The following ILDR1 variants were observed in gnomAD, a reference collection of about 807,000 sequenced individuals.
The protein encoded by ILDR1 is immunoglobulin-like domain-containing receptor 1.
A neutral mutation model predicts 62.4 loss-of-function variants in ILDR1; 56 were observed. That is an observed-to-expected ratio of 0.90 (90% CI 0.72 to 1.12). ILDR1 has a LOEUF of 1.12. ILDR1 is among the 50% of genes most tolerant of loss of function. ILDR1 has a pLI of 0.00. For missense variants in ILDR1, 736 were observed against 710.6 expected (o/e 1.04, Z -0.41); for synonymous variants, 284 against 277.8 (o/e 1.02, Z -0.22).
intron 5 of ILDR1, among the ~76,000 whole-genome samples, chr3:121,996,731 G>A (rs1478606327): frequency 1.3e-5 from 2 of 152,268 alleles, no homozygotes; most frequent in African/African-American, 4.8e-5. Context: ...CTGGTCTAAT[G>A]CAAGGCAAGA....
intron 1 of ILDR1, among the ~76,000 whole-genome samples, chr3:122,016,295 C>T (rs2071775974): frequency 6.6e-6 from 1 of 152,244 alleles, no homozygotes; most frequent in Admixed American, 6.5e-5. Flanking sequence ...ATCCTTCTTT[C>T]CTGGCCTTGT....
At chr3:122,035,519 G>C in the ILDR1 span, among the ~76,000 whole-genome samples, 1 of 152,196 alleles carries the variant, frequency 6.6e-6, no homozygotes, top group African/African-American at 2.4e-5. Flanking sequence ...GAGAAGCCTG[G>C]TGAGAGGTGA....
chr3:122,051,666 C>A, the ILDR1 span, among the ~76,000 whole-genome samples: 12 of 152,060 alleles, frequency 7.9e-5, no homozygotes, highest in African/African-American at 2.9e-4. Context: ...TTTCCCGTTT[C>A]TTCATATTTC....
Position 121,993,346 on chromosome 3 carries a change from T to C in ILDR1, c.1403A>G (p.Tyr468Cys). The C allele has an allele frequency of 6.2e-7, 1 of 1,609,688 alleles. No individual in the cohort carries two copies. The highest frequency in any genetic ancestry group is 8.5e-7 in the Non-Finnish European group (1 of 1,176,818). The change falls in exon 7 of 8, where the codon TAC (tyrosine) becomes TGC (cysteine). Residue 468 changes from tyrosine to cysteine, a missense_variant. Transcript: ENST00000344209. ...RHGRRRRHRS[Y>C]SPPLPSGLSS... ...GAGGCCGGAGGGCAAGGGAGGAGAG[T>C]AGCTGCGGTGCCTGCGTCGTCTCCC...
the ILDR1 span, among the ~76,000 whole-genome samples, chr3:122,047,050 T>G: frequency 6.9e-6 from 1 of 145,690 alleles, no homozygotes; most frequent in Non-Finnish European, 1.5e-5. Flanking sequence ...CTTTGTGGTT[T>G]TATCTACTTT....
At chr3:122,058,922 C>A in the ILDR1 span, among the ~76,000 whole-genome samples, 3 of 151,910 alleles carry the variant, frequency 2.0e-5, no homozygotes, top group Non-Finnish European at 4.4e-5. Context: ...ATTTTAGCAC[C>A]AGAATTGACA....
intron 1 of ILDR1, among the ~76,000 whole-genome samples, chr3:122,007,777 C>G (rs376536484): frequency 7.9e-5 from 12 of 152,162 alleles, no homozygotes; most frequent in Non-Finnish European, 1.5e-4. Context: ...AATTATGATT[C>G]GTGCCTTGGG....
At chr3:122,052,518 T>G in the ILDR1 span, among the ~76,000 whole-genome samples, 1 of 152,124 alleles carries the variant, frequency 6.6e-6, no homozygotes. Context: ...CTAAGACAGG[T>G]AAGACAGAGG....
At chr3:122,054,746 C>T in the ILDR1 span, among the ~76,000 whole-genome samples, 2 of 152,008 alleles carry the variant, frequency 1.3e-5, no homozygotes, top group Admixed American at 6.6e-5. Flanking sequence ...ATAGTTTCTG[C>T]TTGATTAATT....
At chr3:122,041,294 T>A in the ILDR1 span, among the ~76,000 whole-genome samples, 1 of 152,042 alleles carries the variant, frequency 6.6e-6, no homozygotes, top group Non-Finnish European at 1.5e-5. Flanking sequence ...ATCACAGGAG[T>A]GGGTTTGTTA....
chr3:122,050,085 C>T, the ILDR1 span, among the ~76,000 whole-genome samples: 1 of 152,188 alleles, frequency 6.6e-6, no homozygotes, highest in African/African-American at 2.4e-5. Context: ...ATGGCTACTC[C>T]TGCCCTCTTT....
the ILDR1 span, among the ~76,000 whole-genome samples, chr3:122,051,726 AAAC>A: frequency 1.4e-4 from 22 of 152,128 alleles, no homozygotes; most frequent in South Asian, 4.2e-4. Flanking sequence ...ACACACAAAC[AAAC>A]AACAACAACA....
chr3:122,019,875 A>G (rs2071832067), intron 1 of ILDR1, among the ~76,000 whole-genome samples: 1 of 152,218 alleles, frequency 6.6e-6, no homozygotes, highest in Non-Finnish European at 1.5e-5. Context: ...AGGGTTTTCC[A>G]AAGTGCATAT....
chr3:121,993,921 G>T lies in ILDR1; in HGVS notation c.828C>A (p.Thr276=). The T allele has an allele frequency of 6.2e-7, 1 of 1,613,454 alleles. No individual in the cohort carries two copies. The highest frequency in any genetic ancestry group is 8.5e-7 in the Non-Finnish European group (1 of 1,180,022). Reference sequence around the variant, plus strand: ...CACCATTGGCGATGGGAGGCTGATTGGTGGTCTGGGTCATTGGCATCTGCG... The same window carrying T: ...CACCATTGGCGATGGGAGGCTGATTTGTGGTCTGGGTCATTGGCATCTGCG... The part of the protein sequence containing the change: ...SLPQMPMTQT[T]NQPPIANGVL... Residue 276 remains threonine, a synonymous_variant, in exon 7 of 8, where the codon ACC becomes ACA. Coordinates refer to ENST00000344209, the MANE Select transcript of ILDR1 (RefSeq NM_001199799.2).
chr3:122,000,079 G>C (rs901480067), intron 5 of ILDR1, among the ~76,000 whole-genome samples: 1 of 151,592 alleles, frequency 6.6e-6, no homozygotes, highest in African/African-American at 2.4e-5. Flanking sequence ...ATGCATCTGT[G>C]ACTTATGTTT....
the ILDR1 span, among the ~76,000 whole-genome samples, chr3:122,030,584 C>G: frequency 2.0e-5 from 3 of 151,684 alleles, no homozygotes; most frequent in African/African-American, 7.3e-5. Flanking sequence ...CTTTCATTAT[C>G]TCTGTGAGCT....
chr3:122,006,521 G>T (rs1431474654), intron 2 of ILDR1, among the ~76,000 whole-genome samples: 4 of 152,140 alleles, frequency 2.6e-5, no homozygotes, highest in Non-Finnish European at 5.9e-5. Context: ...GTCAGCAGAG[G>T]AATGACCATC....
intron 1 of ILDR1, among the ~76,000 whole-genome samples, chr3:122,013,509 G>T (rs943665851): frequency 6.6e-6 from 1 of 152,210 alleles, no homozygotes; most frequent in Admixed American, 6.5e-5. Flanking sequence ...ATGCACACAG[G>T]TTCAATGCTA....
chr3:122,008,942 CT>C (rs560987907), intron 1 of ILDR1, among the ~76,000 whole-genome samples: 1 of 148,970 alleles, frequency 6.7e-6, no homozygotes, highest in Non-Finnish European at 1.5e-5. Context: ...TTCTTTTTTT[CT>C]TTTTTTTTGA....
Sources: gnomAD v4.1 joint callset for allele counts (sites outside exome capture counted in the v4.1 genomes callset) on GRCh38, gnomAD v4.1.1 for gene constraint, MANE v1.5 for transcripts, NCBI Gene and HGNC (gene_info 2026-07-23, HGNC 2026-07-21) for gene names.